The following LIFR variants were observed in gnomAD, a reference collection of about 807,000 sequenced individuals.
LIFR encodes LIF receptor subunit alpha.
Under a neutral mutation model 122.2 loss-of-function variants are expected in LIFR, and 84 were observed. That is an observed-to-expected ratio of 0.69 (90% confidence interval 0.58 to 0.82). The LOEUF is 0.82. Among genes scored for constraint, LIFR ranks in the 40% least tolerant of loss-of-function variants. LIFR has a pLI of 0.00. For missense variants in LIFR, 1,294 were observed against 1,311.6 expected (o/e 0.99, Z 0.21); for synonymous variants, 422 against 434.7 (o/e 0.97, Z 0.36).
chr5:38,504,000 C>T lies in LIFR; in HGVS notation c.1413G>A (p.Lys471=). The change falls in exon 10 of 20, where the codon AAG becomes AAA. Residue 471 remains lysine (K), a synonymous_variant. Transcript: ENST00000453190. ...KINFLCEIEI[K]KSNSVQEQRN... ...CCTGCTCTTGTACTGAATTAGATTT[C>T]TTAATTTCAATTTCACATAAAAAAT... 1 of 1,582,282 alleles carries T rather than the reference C, an allele frequency of 6.3e-7. No homozygotes were observed. Among genetic ancestry groups the T allele is most frequent in the Non-Finnish European group, 8.7e-7 (1 of 1,151,472 alleles).
intron 5 of LIFR, among the ~76,000 whole-genome samples, chr5:38,519,607 C>T (rs773191933): frequency 6.6e-6 from 1 of 152,140 alleles, no homozygotes; most frequent in Non-Finnish European, 1.5e-5. Flanking sequence ...CTTCCTGCCC[C>T]GTCCCACCAA....
chr5:38,572,642 T>C (rs1749253457), intron 1 of LIFR, among the ~76,000 whole-genome samples: 5 of 152,192 alleles, frequency 3.3e-5, no homozygotes, highest in African/African-American at 9.6e-5. Flanking sequence ...GGGGTCAGAA[T>C]ATCTTTCCAA....
At chr5:38,556,846 G>GGGTGGTGCTTCCTCCGAGCCTCC (rs1748603475), upstream of LIFR, 1 of 151,304 alleles carries the variant, frequency 6.6e-6, no homozygotes, top group African/African-American at 2.4e-5. Context: ...CGGACGCCGA[G>GGGTGGTGCTTCCTCCGAGCCTCC]GGTGGTGCTT....
chr5:38,510,759 G>C (rs1403420801), intron 6 of LIFR, 41 bp from the exon 7 acceptor site: 1 of 1,533,128 alleles, frequency 6.5e-7, no homozygotes, highest in East Asian at 2.3e-5. Flanking sequence ...TTATATAGAA[G>C]TATTTTACAT....
At chr5:38,539,171 G>T (rs977944616) in intron 1 of LIFR, among the ~76,000 whole-genome samples, 4 of 150,946 alleles carry the variant, frequency 2.6e-5, no homozygotes, top group African/African-American at 9.7e-5. Context: ...CCGTGGTCTC[G>T]ATCTCCTGAC....
chr5:38,521,990 A>T (rs1439269072), intron 5 of LIFR, among the ~76,000 whole-genome samples: 2 of 152,154 alleles, frequency 1.3e-5, no homozygotes, highest in African/African-American at 4.8e-5. Flanking sequence ...TAGTACATGT[A>T]GACACTAGCT....
chr5:38,499,759 C>T (rs1312218967), intron 11 of LIFR, among the ~76,000 whole-genome samples, 176 bp from the exon 12 acceptor site: 1 of 152,084 alleles, frequency 6.6e-6, no homozygotes, highest in African/African-American at 2.4e-5. Flanking sequence ...TTGCAAAACA[C>T]ACGGCCCCCT....
At chr5:38,578,448 C>T (rs931314207) in intron 1 of LIFR, among the ~76,000 whole-genome samples, 5 of 151,304 alleles carry the variant, frequency 3.3e-5, no homozygotes, top group East Asian at 3.9e-4. Context: ...TCAGGTGACC[C>T]GCCTGCCTTG....
chr5:38,503,729 C>T lies in LIFR; in HGVS notation c.1437+247G>A, dbSNP rs13186262. On this transcript the variant is annotated intron_variant, in intron 10 of 19. Transcript: ENST00000453190. The stretch of plus-strand genomic sequence containing the variant: ...AACTACTCATTCATTCACAAATTTA[C>T]GGAGCACCAGCTATGTGCCAGGTAC... 0.025 allele frequency among the ~76,000 whole-genome samples: 3,781 copies of T among 149,090 alleles called. 87 individuals are homozygous for T. Among genetic ancestry groups the T allele is most frequent in the Non-Finnish European group, 0.041 (2,701 of 66,268 alleles).
chr5:38,513,653 G>A (rs1251827966), intron 5 of LIFR, among the ~76,000 whole-genome samples: 1 of 152,136 alleles, frequency 6.6e-6, no homozygotes, highest in Non-Finnish European at 1.5e-5. Flanking sequence ...CCAGGTAATA[G>A]TCTAAATGAA....
chr5:38,517,032 G>A (rs1263448673), intron 5 of LIFR, among the ~76,000 whole-genome samples: 1 of 151,922 alleles, frequency 6.6e-6, no homozygotes, highest in Non-Finnish European at 1.5e-5. Flanking sequence ...ACAGGGAGGG[G>A]GACATCACAC....
chr5:38,496,432 G>C lies in LIFR; in HGVS notation c.1835C>G (p.Ser612Cys). 6.2e-7 allele frequency: 1 copy of C among 1,614,154 alleles called. No individual in the cohort carries two copies. Among genetic ancestry groups the C allele is most frequent in the Non-Finnish European group, 8.5e-7 (1 of 1,179,984 alleles). ...DYIISVVAKN[S>C]VGSSPPSKIA... ...TTTGGAAGGTGGTGATGAGCCCACA[G>C]AATTTTTAGCCACTACGCTGATGAT... Residue 612 changes from serine to cysteine, a missense_variant, in exon 13 of 20, where the codon TCT becomes TGT. Transcript: ENST00000453190.
chr5:38,490,791 G>C (rs541822882), intron 14 of LIFR: 1 of 152,310 alleles, frequency 6.6e-6, no homozygotes, highest in Admixed American at 6.5e-5. Context: ...GTAGAGAAAG[G>C]GTTTCACCAT....
At chr5:38,530,476 G>C (rs1746943724) in intron 2 of LIFR, 30 bp downstream of exon 2, 1 of 1,589,760 alleles carries the variant, frequency 6.3e-7, no homozygotes, top group Non-Finnish European at 8.6e-7. Context: ...ACTGCAATCT[G>C]TTCATTCTCT....
chr5:38,481,668 T>C lies in LIFR; in HGVS notation c.3221A>G (p.Asp1074Gly), dbSNP rs147058538. The C allele has an allele frequency of 3.0e-4, 486 of 1,614,048 alleles. 1 individual carries two copies. Among genetic ancestry groups the C allele is most frequent in the Non-Finnish European group, 3.9e-4 (460 of 1,180,024 alleles). Reference sequence around the variant, plus strand: ...TCCATTAGATTTAGGAGAGTCTTCATCTTTAGGAGGAATCAAAAATTGTCG... The same window carrying C: ...TCCATTAGATTTAGGAGAGTCTTCACCTTTAGGAGGAATCAAAAATTGTCG... ...NSRQFLIPPK[D>G]EDSPKSNGGG... Residue 1074 changes from aspartate (D) to glycine (G), a missense_variant, in exon 20 of 20, where the codon GAT becomes GGT. By Grantham distance (94) the Asp-to-Gly change is moderately conservative (BLOSUM62 -1). Coordinates refer to ENST00000453190, the MANE Select transcript of LIFR (RefSeq NM_001127671.2).
intron 1 of LIFR, among the ~76,000 whole-genome samples, chr5:38,547,679 G>A (rs3099125): frequency 0.98 from 148,520 of 152,310 alleles, 72,448 homozygotes; most frequent in East Asian, 1. Flanking sequence ...GTCAAATGGA[G>A]ACATTATTTT....
At chr5:38,589,638 G>A (rs1749860365) in intron 1 of LIFR, among the ~76,000 whole-genome samples, 1 of 152,032 alleles carries the variant, frequency 6.6e-6, no homozygotes, top group South Asian at 2.1e-4. Context: ...GGAAAGTACG[G>A]AAATGGGATT....
In LIFR at chr5:38,485,967, T is replaced by A. The variant is rs371539913; in HGVS notation, c.2349A>T (p.Ile783=). ...ATATGTCAGTAATATTCTTAACTTTTATGTCAGAACGACCTATTTTTAAAA... is the reference window on the plus strand; with the variant it reads ...ATATGTCAGTAATATTCTTAACTTTAATGTCAGAACGACCTATTTTTAAAA... ...MRVLESGRSD[I]KVKNITDISQ... is the part of the protein sequence containing the mutation. Residue 783 remains isoleucine, a synonymous_variant, in exon 17 of 20, where the codon ATA becomes ATT. Transcript: ENST00000453190. The A allele has an allele frequency of 1.9e-6, 3 of 1,613,188 alleles. No individual in the cohort carries two copies. The highest frequency in any genetic ancestry group is 8.5e-7 in the Non-Finnish European group (1 of 1,179,080).
intron 5 of LIFR, among the ~76,000 whole-genome samples, chr5:38,518,889 C>A (rs1324376672): frequency 1.3e-5 from 2 of 152,178 alleles, no homozygotes. Flanking sequence ...GACTGTTATA[C>A]TGATGATCCT....
Sources: gnomAD v4.1 joint callset for allele counts (sites outside exome capture counted in the v4.1 genomes callset) on GRCh38, gnomAD v4.1.1 for gene constraint, MANE v1.5 for transcripts, NCBI Gene and HGNC (gene_info 2026-07-23, HGNC 2026-07-21) for gene names.